The following RUNX2 variants were observed in gnomAD, a reference collection of about 807,000 sequenced individuals.
RUNX2 encodes the protein RUNX family transcription factor 2.
A neutral mutation model predicts 51.7 loss-of-function variants in RUNX2; 10 were observed. The observed-to-expected ratio is 0.19, with a 90% CI of 0.12 to 0.33. The LOEUF is 0.33. Among genes scored for constraint, RUNX2 ranks in the 10% least tolerant of loss-of-function variants. The pLI, the probability that RUNX2 is intolerant of heterozygous loss-of-function variation, is 1.00. For synonymous variants in RUNX2, 276 were observed against 273.6 expected (o/e 1.01, Z -0.09); for missense variants, 562 against 691.3 (o/e 0.81, Z 2.10).
At chr6:45,513,633 A>C (rs1801230541) in intron 7 of RUNX2, 1 of 152,228 alleles carries the variant, frequency 6.6e-6, no homozygotes, top group African/African-American at 2.4e-5. Context: ...CATTTTCTGC[A>C]GCAGATGGAC....
intron 2 of RUNX2, among the ~76,000 whole-genome samples, chr6:45,374,451 C>T (rs922201466): frequency 1.3e-5 from 2 of 152,092 alleles, no homozygotes; most frequent in African/African-American, 4.8e-5. Context: ...TAATTTGTCC[C>T]AAATCACATG....
At chr6:45,529,641 G>T (rs193020786) in intron 7 of RUNX2, among the ~76,000 whole-genome samples, 36 of 152,112 alleles carry the variant, frequency 2.4e-4, no homozygotes, top group Non-Finnish European at 2.1e-4. Flanking sequence ...CATTTAGAAG[G>T]GTATAGTAAA....
chr6:45,471,423 T>C (rs1375595645), intron 5 of RUNX2, among the ~76,000 whole-genome samples: 3 of 151,444 alleles, frequency 2.0e-5, no homozygotes, highest in Non-Finnish European at 4.4e-5. Flanking sequence ...CCTACATCCC[T>C]CGCCCCAGAC....
chr6:45,442,684 A>G (rs968155181), intron 5 of RUNX2, among the ~76,000 whole-genome samples: 10 of 152,162 alleles, frequency 6.6e-5, no homozygotes, highest in Non-Finnish European at 1.3e-4. Flanking sequence ...CTCGAATATA[A>G]CATCCAGTTT....
At chr6:45,485,390 C>T (rs142606519) in intron 5 of RUNX2, among the ~76,000 whole-genome samples, 170 of 151,422 alleles carry the variant, frequency 1.1e-3, no homozygotes, top group African/African-American at 4.0e-3. Context: ...TTAGTAGAAA[C>T]GGGGTTTCTC....
chr6:45,330,364 G>C (rs929534683), intron 2 of RUNX2, among the ~76,000 whole-genome samples: 2 of 151,894 alleles, frequency 1.3e-5, no homozygotes, highest in Non-Finnish European at 2.9e-5. Context: ...GAGATAAAAG[G>C]AAAAAGAATA....
intron 5 of RUNX2, among the ~76,000 whole-genome samples, chr6:45,444,220 A>G (rs921878081): frequency 6.6e-6 from 1 of 152,194 alleles, no homozygotes; most frequent in African/African-American, 2.4e-5. Flanking sequence ...TGGCAAACCT[A>G]CTGCCTGACA....
chr6:45,435,588 C>T (rs1798660549), intron 4 of RUNX2, among the ~76,000 whole-genome samples: 1 of 152,146 alleles, frequency 6.6e-6, no homozygotes, highest in Non-Finnish European at 1.5e-5. Context: ...GAACTCCTGA[C>T]CTCAGGCGAT....
intron 7 of RUNX2, among the ~76,000 whole-genome samples, chr6:45,519,025 AT>A (rs1801418692): frequency 6.6e-6 from 1 of 152,180 alleles, no homozygotes; most frequent in South Asian, 2.1e-4. Flanking sequence ...ATGTTAATGA[AT>A]TACTAGAAAT....
intron 5 of RUNX2, among the ~76,000 whole-genome samples, chr6:45,459,339 T>C (rs78055564): frequency 6.6e-6 from 1 of 152,236 alleles, no homozygotes; most frequent in South Asian, 2.1e-4. Context: ...AATTGCTGAA[T>C]ATACTTGAAA....
intron 1 of RUNX2, 95 bp from the exon 2 acceptor site, chr6:45,328,566 A>G (rs539747093): frequency 6.1e-5 from 97 of 1,580,878 alleles, no homozygotes; most frequent in Non-Finnish European, 7.9e-5. Flanking sequence ...TACCAGCTAC[A>G]TAATTTCTTG....
chr6:45,330,776 T>C (rs1199294179), intron 2 of RUNX2, among the ~76,000 whole-genome samples: 1 of 151,806 alleles, frequency 6.6e-6, no homozygotes, highest in Non-Finnish European at 1.5e-5. Context: ...GGGCTGCACC[T>C]TCCCTCCCCG....
chr6:45,489,810 G>C (rs967292254), intron 5 of RUNX2, among the ~76,000 whole-genome samples: 2 of 152,248 alleles, frequency 1.3e-5, no homozygotes, highest in Non-Finnish European at 2.9e-5. Context: ...ATTGATGGAA[G>C]TTTGGTGAGT....
At chr6:45,383,680 G>T (rs1023140713) in intron 2 of RUNX2, among the ~76,000 whole-genome samples, 1 of 152,092 alleles carries the variant, frequency 6.6e-6, no homozygotes, top group Non-Finnish European at 1.5e-5. Context: ...AAGTTAAGAC[G>T]AGTATACAGA....
At chr6:45,428,445 G>A (rs78645638) in intron 3 of RUNX2, among the ~76,000 whole-genome samples, 12,107 of 151,970 alleles carry the variant, frequency 0.08, 704 homozygotes, top group South Asian at 0.18. Context: ...ATCTGATTTG[G>A]TAGAGTGAAT....
intron 5 of RUNX2, among the ~76,000 whole-genome samples, chr6:45,467,150 T>C (rs767702422): frequency 3.3e-5 from 5 of 152,206 alleles, no homozygotes; most frequent in Non-Finnish European, 7.3e-5. Context: ...ATCCTTGGCC[T>C]CTTTGCAGGT....
At chr6:45,511,823 A>T (rs1009191335) in intron 6 of RUNX2, among the ~76,000 whole-genome samples, 2 of 152,250 alleles carry the variant, frequency 1.3e-5, no homozygotes, top group Non-Finnish European at 2.9e-5. Flanking sequence ...GTCTTTAACC[A>T]AGTTAATTGT....
At chr6:45,527,268 G>A (rs1801699190) in intron 7 of RUNX2, among the ~76,000 whole-genome samples, 1 of 152,204 alleles carries the variant, frequency 6.6e-6, no homozygotes, top group Admixed American at 6.5e-5. Flanking sequence ...GGCCACTACA[G>A]GTCAAGATCA....
At chr6:45,511,836 A>T (rs1205660815) in intron 6 of RUNX2, among the ~76,000 whole-genome samples, 1 of 152,240 alleles carries the variant, frequency 6.6e-6, no homozygotes, top group African/African-American at 2.4e-5. Flanking sequence ...TTAATTGTTC[A>T]GAAAATATTC....
Sources: gnomAD v4.1 joint callset for allele counts (sites outside exome capture counted in the v4.1 genomes callset) on GRCh38, gnomAD v4.1.1 for gene constraint, MANE v1.5 for transcripts, NCBI Gene and HGNC (gene_info 2026-07-23, HGNC 2026-07-21) for gene names.